The following SPRY3 variants were observed in gnomAD, a reference collection of about 807,000 sequenced individuals.
The protein encoded by SPRY3 is sprouty RTK signaling antagonist 3.
A neutral mutation model predicts 20.2 loss-of-function variants in SPRY3; 15 were observed. The observed-to-expected ratio is 0.74, with a 90% CI of 0.50 to 1.14. The LOEUF (loss-of-function observed/expected upper bound fraction) is 1.14, where lower values mean the gene tolerates loss of function less well. Ranked by LOEUF, SPRY3 falls within the 50% of genes most tolerant of loss-of-function variation. SPRY3 has a pLI of 0.00. For synonymous variants in SPRY3, 143 were observed against 136.5 expected (o/e 1.05, Z -0.33); for missense variants, 364 against 363.9 (o/e 1.00, Z 0.00).
At chrX:155,672,200 T>TG (rs2068042998) in intron 2 of SPRY3, among the ~76,000 whole-genome samples, 1 of 111,232 alleles carries the variant, frequency 9.0e-6, no homozygotes, top group Non-Finnish European at 1.9e-5. Context: ...ATTGGTAGCT[T>TG]GATGGGGACA....
chrX:155,646,960 A>AT (rs781840028), intron 1 of SPRY3, among the ~76,000 whole-genome samples: 2 of 111,406 alleles, frequency 1.8e-5, no homozygotes, highest in South Asian at 7.5e-4. Context: ...GTGAAGGTAC[A>AT]TTTTTTTCTC....
chrX:155,758,602 ATGGATAGAGC>A (rs2091292213), intron 2 of SPRY3, among the ~76,000 whole-genome samples: 1 of 152,194 alleles, frequency 6.6e-6, no homozygotes, highest in Non-Finnish European at 1.5e-5. Flanking sequence ...TCAATAGAAT[ATGGATAGAGC>A]TGGCCTCCTA....
intron 2 of SPRY3, among the ~76,000 whole-genome samples, chrX:155,746,035 T>G (rs2124577703): frequency 6.6e-6 from 1 of 152,188 alleles, no homozygotes; most frequent in South Asian, 2.1e-4. Flanking sequence ...AGCATAAATT[T>G]CTAAATGTGC....
At chrX:155,716,945 G>A (rs2091026938) in intron 2 of SPRY3, among the ~76,000 whole-genome samples, 1 of 141,132 alleles carries the variant, frequency 7.1e-6, no homozygotes, top group South Asian at 2.3e-4. Context: ...ACCAGCCTGG[G>A]CAACACGGTG....
At chrX:155,729,277 G>A (rs903225376) in intron 2 of SPRY3, among the ~76,000 whole-genome samples, 27 of 152,226 alleles carry the variant, frequency 1.8e-4, no homozygotes, top group Admixed American at 4.6e-4. Context: ...TCCTTAGCAC[G>A]TGGATCATTC....
exon 1 of SPRY3, chrX:155,612,640 G>A (rs782111962): frequency 8.9e-6 from 1 of 112,764 alleles, no homozygotes; most frequent in East Asian, 2.8e-4. Flanking sequence ...CTCTCCGCCA[G>A]GGTTAAGGTG....
chrX:155,706,748 G>C (rs2090954182), intron 2 of SPRY3, among the ~76,000 whole-genome samples: 2 of 150,970 alleles, frequency 1.3e-5, no homozygotes, highest in East Asian at 1.9e-4. Context: ...AGATGAAATG[G>C]GCTAAATCCC....
intron 1 of SPRY3, among the ~76,000 whole-genome samples, chrX:155,623,473 G>T (rs908027631): frequency 1.8e-5 from 2 of 111,640 alleles, no homozygotes; most frequent in African/African-American, 3.3e-5. Flanking sequence ...AGAGAAAAAG[G>T]AACTTTATGC....
intron 2 of SPRY3, among the ~76,000 whole-genome samples, chrX:155,716,314 T>C (rs1378041843): frequency 6.6e-6 from 1 of 152,192 alleles, no homozygotes; most frequent in Non-Finnish European, 1.5e-5. Context: ...CTATACTTTT[T>C]ATTTTGTTCT....
chrX:155,627,298 T>G (rs1360854783), intron 1 of SPRY3, among the ~76,000 whole-genome samples: 2 of 112,183 alleles, frequency 1.8e-5, no homozygotes, highest in East Asian at 5.6e-4. Context: ...GATTAACTTG[T>G]GGATTTCACA....
At chrX:155,624,749 G>A (rs2067882870) in intron 1 of SPRY3, among the ~76,000 whole-genome samples, 1 of 111,888 alleles carries the variant, frequency 8.9e-6, no homozygotes, top group Admixed American at 9.5e-5. Flanking sequence ...AATTTAAATT[G>A]TGCATTGACA....
downstream of SPRY3, chrX:155,780,234 T>G (rs1395782470): frequency 7.2e-5 from 12 of 167,130 alleles, no homozygotes; most frequent in East Asian, 2.1e-3. Flanking sequence ...GTCATCCCTC[T>G]GATGGTAAAA....
chrX:155,747,521 T>C (rs1345545618), intron 2 of SPRY3, among the ~76,000 whole-genome samples: 2 of 152,076 alleles, frequency 1.3e-5, no homozygotes, highest in Admixed American at 1.3e-4. Context: ...TAATCCATAC[T>C]CCAAAATATT....
At chrX:155,675,821 A>G (rs1176127118) in intron 2 of SPRY3, among the ~76,000 whole-genome samples, 1 of 112,050 alleles carries the variant, frequency 8.9e-6, no homozygotes, top group Non-Finnish European at 1.9e-5. Context: ...GATGTACCAC[A>G]TACCAAGATT....
At chrX:155,676,861 TC>T (rs1278567227) in intron 2 of SPRY3, among the ~76,000 whole-genome samples, 2 of 111,422 alleles carry the variant, frequency 1.8e-5, no homozygotes, top group African/African-American at 6.5e-5. Flanking sequence ...CTCAAAGGCC[TC>T]GTAATACTAT....
intron 2 of SPRY3, among the ~76,000 whole-genome samples, chrX:155,685,733 G>A (rs1257494238): frequency 1.8e-5 from 2 of 109,902 alleles, no homozygotes; most frequent in Admixed American, 9.7e-5. Flanking sequence ...TCCCTACAAA[G>A]GACATGATCT....
At chrX:155,716,703 T>A (rs1423007034) in intron 2 of SPRY3, among the ~76,000 whole-genome samples, 1 of 152,032 alleles carries the variant, frequency 6.6e-6, no homozygotes, top group Non-Finnish European at 1.5e-5. Context: ...TTTTTAATCA[T>A]AACTTTTTTT....
intron 2 of SPRY3, among the ~76,000 whole-genome samples, chrX:155,719,590 G>A (rs2091043080): frequency 6.6e-6 from 1 of 152,068 alleles, no homozygotes; most frequent in Non-Finnish European, 1.5e-5. Flanking sequence ...GGAAAGGATA[G>A]GAAATAGTGG....
chrX:155,718,787 T>A (rs2091037694), intron 2 of SPRY3, among the ~76,000 whole-genome samples: 1 of 152,114 alleles, frequency 6.6e-6, no homozygotes. Flanking sequence ...TAAATTGAGA[T>A]AGGAAAGGCT....
Sources: allele counts gnomAD v4.1 joint callset (sites outside exome capture counted in the v4.1 genomes callset), GRCh38; gene constraint gnomAD v4.1.1; transcripts MANE v1.5; gene names NCBI Gene and HGNC (gene_info 2026-07-23, HGNC 2026-07-21).